Variants in KCNMA1 observed in about 807,000 individuals in gnomAD.
KCNMA1 encodes the protein potassium calcium-activated channel subfamily M alpha 1.
A neutral mutation model predicts 140.0 loss-of-function variants in KCNMA1; 29 were observed. That is an observed-to-expected ratio of 0.21 (90% CI 0.15 to 0.28). KCNMA1 has a LOEUF of 0.28. Among genes scored for constraint, KCNMA1 ranks in the 10% least tolerant of loss-of-function variants. KCNMA1 has a pLI of 1.00. For synonymous variants in KCNMA1, 612 were observed against 611.9 expected (o/e 1.00, Z 0.00); for missense variants, 880 against 1,602.2 (o/e 0.55, Z 7.70).
Position 77,112,446 on chromosome 10 carries a change from T to C in KCNMA1, c.885-4A>G, listed in dbSNP as rs1011013979. 2 of 1,612,600 alleles carry C rather than the reference T, an allele frequency of 1.2e-6. No individual in the cohort carries two copies. On this transcript the variant is annotated splice_region_variant and splice_polypyrimidine_tract_variant and intron_variant, in intron 6 of 27. Coordinates refer to ENST00000286628, the MANE Select transcript of KCNMA1 (RefSeq NM_001161352.2). The stretch of plus-strand genomic sequence containing the variant: ...ATTCACCAGCTTGATGGAATTACTG[T>C]GCAAGAGACAACAAGCAAAATCCCC...
chr10:77,331,807 C>T (rs1324132585), intron 2 of KCNMA1, among the ~76,000 whole-genome samples: 1 of 151,994 alleles, frequency 6.6e-6, no homozygotes, highest in African/African-American at 2.4e-5. Flanking sequence ...AGAGCCAGAC[C>T]TCATCTCTAA....
At chr10:76,915,196 G>T (rs1438836481) in intron 23 of KCNMA1, 147 bp from the exon 24 acceptor site, 8 of 655,264 alleles carry the variant, frequency 1.2e-5, no homozygotes, top group Non-Finnish European at 5.6e-6. Flanking sequence ...GATAAACTCT[G>T]ATGATTAATT....
At position 77,129,273 on chromosome 10, in the gene KCNMA1, T is replaced by C. The variant is rs138636791; in HGVS notation, c.809-8225A>G. Among the ~76,000 whole-genome samples the C allele has an allele frequency of 6.8e-3, 1,040 of 152,354 alleles. 19 individuals are homozygous for C. The highest frequency in any genetic ancestry group is 5.2e-3 in the Non-Finnish European group (353 of 68,032). ...AAGATTCTAATGTACAGCCAGATGA[T>C]GGATGAGGATGAGTCCAGTGTACAG... On this transcript the variant is annotated intron_variant, in intron 5 of 27. Transcript: ENST00000286628.
chr10:77,046,255 T>TTA (rs1594676024), intron 14 of KCNMA1, among the ~76,000 whole-genome samples: 1 of 152,288 alleles, frequency 6.6e-6, no homozygotes, highest in East Asian at 1.9e-4. Context: ...GAATGAATAT[T>TTA]TATATATATC....
chr10:77,062,424 G>A (rs978496359), intron 14 of KCNMA1, among the ~76,000 whole-genome samples: 2 of 152,110 alleles, frequency 1.3e-5, no homozygotes, highest in African/African-American at 4.8e-5. Flanking sequence ...CCCCTTTACA[G>A]ACACATTTCA....
At chr10:77,071,011 C>A (rs971923280) in intron 14 of KCNMA1, among the ~76,000 whole-genome samples, 1 of 152,280 alleles carries the variant, frequency 6.6e-6, no homozygotes. Flanking sequence ...TGGCCTTATA[C>A]AGAAATAATG....
intron 23 of KCNMA1, among the ~76,000 whole-genome samples, chr10:76,944,423 G>C (rs1156856632): frequency 6.6e-6 from 1 of 152,202 alleles, no homozygotes; most frequent in Non-Finnish European, 1.5e-5. Flanking sequence ...ATACTGGAAG[G>C]AAACGGTCAG....
chr10:77,558,337 T>C (rs2395479), intron 1 of KCNMA1, among the ~76,000 whole-genome samples: 139,154 of 152,226 alleles, frequency 0.91, 63,746 homozygotes, highest in South Asian at 0.97. Context: ...GCCAAACACC[T>C]CTGCACGCCA....
chr10:76,942,896 G>A (rs190154810), intron 23 of KCNMA1, among the ~76,000 whole-genome samples: 11 of 152,262 alleles, frequency 7.2e-5, no homozygotes, highest in Non-Finnish European at 1.5e-5. Flanking sequence ...CCAAGGGTTG[G>A]TCACATCCTG....
At chr10:77,322,647 G>T (rs2082701671) in intron 2 of KCNMA1, among the ~76,000 whole-genome samples, 1 of 152,158 alleles carries the variant, frequency 6.6e-6, no homozygotes, top group Admixed American at 6.5e-5. Context: ...TGTCAATGAG[G>T]GGAAGGGAGT....
At chr10:77,289,816 T>C (rs653253) in intron 2 of KCNMA1, among the ~76,000 whole-genome samples, 127,669 of 152,182 alleles carry the variant, frequency 0.84, 53,727 homozygotes, top group Middle Eastern at 0.9. Flanking sequence ...CCAGAGTTAT[T>C]CTTGCAAATT....
intron 1 of KCNMA1, among the ~76,000 whole-genome samples, chr10:77,499,208 C>T (rs1426513139): frequency 6.6e-6 from 1 of 152,026 alleles, no homozygotes; most frequent in Non-Finnish European, 1.5e-5. Flanking sequence ...TTAGAAAGCA[C>T]TCTCAAAATG....
At chr10:77,042,175 T>TA (rs368077023) in intron 14 of KCNMA1, among the ~76,000 whole-genome samples, 6 of 149,150 alleles carry the variant, frequency 4.0e-5, no homozygotes, top group East Asian at 2.0e-4. Flanking sequence ...GTGGGGTCTT[T>TA]AAAAAAAAAA....
At chr10:77,169,932 C>T (rs1234215637) in intron 5 of KCNMA1, among the ~76,000 whole-genome samples, 1 of 152,166 alleles carries the variant, frequency 6.6e-6, no homozygotes, top group Non-Finnish European at 1.5e-5. Context: ...TGGCTCACAC[C>T]TGTATCCCAG....
chr10:77,166,283 T>A (rs1369749789), intron 5 of KCNMA1, among the ~76,000 whole-genome samples: 2 of 152,056 alleles, frequency 1.3e-5, no homozygotes, highest in Non-Finnish European at 2.9e-5. Context: ...TAAATTCGAG[T>A]TATAGTATTT....
intron 15 of KCNMA1, 98 bp from the exon 16 acceptor site, chr10:77,027,989 T>C (rs1187861527): frequency 9.4e-7 from 1 of 1,066,076 alleles, no homozygotes; most frequent in Non-Finnish European, 1.4e-6. Context: ...AATGCAGTCA[T>C]TACCGAGGGG....
At chr10:77,156,112 C>T (rs1268641943) in intron 5 of KCNMA1, among the ~76,000 whole-genome samples, 1 of 151,658 alleles carries the variant, frequency 6.6e-6, no homozygotes, top group African/African-American at 2.4e-5. Context: ...CCTGTAGTCC[C>T]AGCTACTTGG....
At chr10:77,070,522 T>G (rs1177829745) in intron 14 of KCNMA1, among the ~76,000 whole-genome samples, 1 of 152,144 alleles carries the variant, frequency 6.6e-6, no homozygotes, top group East Asian at 1.9e-4. Flanking sequence ...AAGGATCAAG[T>G]GCTGCCAAAG....
intron 5 of KCNMA1, among the ~76,000 whole-genome samples, chr10:77,175,061 G>T (rs947242196): frequency 1.3e-5 from 2 of 152,108 alleles, no homozygotes; most frequent in Non-Finnish European, 2.9e-5. Flanking sequence ...ATCACCAGGA[G>T]TGCTTGTTAA....
Sources: gnomAD v4.1 joint callset for allele counts (sites outside exome capture counted in the v4.1 genomes callset) on GRCh38, gnomAD v4.1.1 for gene constraint, MANE v1.5 for transcripts, NCBI Gene and HGNC (gene_info 2026-07-23, HGNC 2026-07-21) for gene names.